Variants in MDGA2 observed in about 807,000 individuals in gnomAD.
MDGA2 encodes MAM domain containing glycosylphosphatidylinositol anchor 2, also known as MAM domain-containing glycosylphosphatidylinositol anchor protein 2.
A neutral mutation model predicts 117.8 loss-of-function variants in MDGA2; 40 were observed. That is an observed-to-expected ratio of 0.34 (90% confidence interval 0.26 to 0.44). The LOEUF (loss-of-function observed/expected upper bound fraction) is 0.44. Among genes scored for constraint, MDGA2 ranks in the 20% least tolerant of loss-of-function variants. The pLI, the probability that MDGA2 is intolerant of heterozygous loss-of-function variation, is 1.00. For missense variants in MDGA2, 1,123 were observed against 1,250.6 expected (o/e 0.90, Z 1.54); for synonymous variants, 452 against 439.0 (o/e 1.03, Z -0.37).
At chr14:47,075,884 G>A (rs1366837032) in intron 6 of MDGA2, among the ~76,000 whole-genome samples, 1 of 152,066 alleles carries the variant, frequency 6.6e-6, no homozygotes, top group Non-Finnish European at 1.5e-5. Flanking sequence ...AGTGATAACA[G>A]TGGACTATGC....
intron 10 of MDGA2, among the ~76,000 whole-genome samples, chr14:46,894,492 C>G (rs1365695206): frequency 6.6e-6 from 1 of 152,052 alleles, no homozygotes; most frequent in East Asian, 1.9e-4. Flanking sequence ...AGGAAGATAA[C>G]AAATCTAGCT....
chr14:46,979,507 C>T (rs1372585840), intron 8 of MDGA2, among the ~76,000 whole-genome samples: 1 of 152,044 alleles, frequency 6.6e-6, no homozygotes, highest in East Asian at 1.9e-4. Flanking sequence ...TCCAAATCGC[C>T]CACTTGTGAA....
intron 2 of MDGA2, among the ~76,000 whole-genome samples, chr14:47,278,520 C>G (rs1447242256): frequency 6.6e-6 from 1 of 152,026 alleles, no homozygotes; most frequent in Non-Finnish European, 1.5e-5. Flanking sequence ...CCCGGGATCC[C>G]CAGGCAGAGA....
At chr14:47,092,400 T>C (rs974426068) in intron 6 of MDGA2, among the ~76,000 whole-genome samples, 4 of 152,164 alleles carry the variant, frequency 2.6e-5, no homozygotes, top group African/African-American at 7.2e-5. Flanking sequence ...CTCTTTCTTA[T>C]GCAGAATTTT....
At chr14:47,231,733 A>G (rs1057052310) in intron 2 of MDGA2, among the ~76,000 whole-genome samples, 1 of 148,462 alleles carries the variant, frequency 6.7e-6, no homozygotes, top group South Asian at 2.1e-4. Context: ...AAAAGAAAAA[A>G]AAATTGAACC....
chr14:46,930,983 GA>G (rs1468372618), intron 9 of MDGA2, among the ~76,000 whole-genome samples: 1 of 152,038 alleles, frequency 6.6e-6, no homozygotes, highest in Admixed American at 6.6e-5. Flanking sequence ...TTGGGAGGCC[GA>G]GGCGGGCGGA....
At chr14:46,844,465 C>T (rs940255314) in intron 16 of MDGA2, among the ~76,000 whole-genome samples, 1 of 152,046 alleles carries the variant, frequency 6.6e-6, no homozygotes, top group African/African-American at 2.4e-5. Context: ...TCTGTAATCC[C>T]AGCTACTCAG....
chr14:47,368,715 T>G (rs1427693758), intron 1 of MDGA2, among the ~76,000 whole-genome samples: 1 of 152,276 alleles, frequency 6.6e-6, no homozygotes, highest in Admixed American at 6.5e-5. Flanking sequence ...TTTATTCAGG[T>G]TTTACGTTGT....
chr14:47,326,259 T>C (rs1023186731), intron 1 of MDGA2, among the ~76,000 whole-genome samples: 3 of 152,100 alleles, frequency 2.0e-5, no homozygotes, highest in Non-Finnish European at 2.9e-5. Context: ...ATTTAAAATA[T>C]ATATTATATT....
At chr14:47,281,174 G>A (rs1281936681) in intron 2 of MDGA2, among the ~76,000 whole-genome samples, 1 of 150,378 alleles carries the variant, frequency 6.6e-6, no homozygotes, top group Non-Finnish European at 1.5e-5. Context: ...TTCCTCTATT[G>A]TCTCAAAATA....
intron 1 of MDGA2, among the ~76,000 whole-genome samples, chr14:47,365,706 G>T (rs899187245): frequency 6.6e-6 from 1 of 152,184 alleles, no homozygotes; most frequent in Non-Finnish European, 1.5e-5. Context: ...AACATATTTA[G>T]AGAGGAAATC....
rs537528822 is a variant in MDGA2, at chr14:47,153,463, G to T, written c.596-9189C>A. ...AGAGAACTTCACCTGGCTGTGGGTG[G>T]AGTGGGATGGGAGTTGTAAAAGGTA... On this transcript the variant is annotated intron_variant, in intron 3 of 16. Coordinates refer to ENST00000399232, the MANE Select transcript of MDGA2 (RefSeq NM_001113498.3). 3.4e-4 allele frequency among the ~76,000 whole-genome samples: 52 copies of T among 152,256 alleles called. 1 individual carries two copies. In the South Asian group the frequency reaches 0.01, roughly 30 times the overall value.
intron 8 of MDGA2, among the ~76,000 whole-genome samples, chr14:46,983,698 A>C (rs1886765925): frequency 6.6e-6 from 1 of 152,042 alleles, no homozygotes; most frequent in Non-Finnish European, 1.5e-5. Flanking sequence ...TCAAAATTTA[A>C]ATTTTTTGGC....
chr14:46,844,438 G>T (rs1311827324), intron 16 of MDGA2, among the ~76,000 whole-genome samples: 1 of 151,928 alleles, frequency 6.6e-6, no homozygotes, highest in Non-Finnish European at 1.5e-5. Flanking sequence ...AAAATTAGCG[G>T]GGTGTGGTGC....
intron 1 of MDGA2, among the ~76,000 whole-genome samples, chr14:47,460,505 A>G (rs2138590416): frequency 6.6e-6 from 1 of 152,196 alleles, no homozygotes; most frequent in Non-Finnish European, 1.5e-5. Context: ...CAGAGAAGAG[A>G]GGGGAAAGAA....
At chr14:47,209,569 A>C (rs936240604) in intron 3 of MDGA2, among the ~76,000 whole-genome samples, 1 of 152,222 alleles carries the variant, frequency 6.6e-6, no homozygotes, top group Non-Finnish European at 1.5e-5. Context: ...AGATAGGACT[A>C]AACTGATTTA....
intron 3 of MDGA2, among the ~76,000 whole-genome samples, chr14:47,166,193 G>A (rs1354883804): frequency 6.6e-5 from 10 of 151,760 alleles, no homozygotes; most frequent in African/African-American, 2.4e-4. Context: ...ATGCCACCAG[G>A]CCCGGCTAAT....
At chr14:47,339,715 T>C (rs952205632) in intron 1 of MDGA2, among the ~76,000 whole-genome samples, 1 of 152,188 alleles carries the variant, frequency 6.6e-6, no homozygotes, top group African/African-American at 2.4e-5. Flanking sequence ...ACCATGTTTC[T>C]TGTACAGCTT....
chr14:47,230,936 G>A (rs955996031), intron 2 of MDGA2, among the ~76,000 whole-genome samples: 43 of 151,938 alleles, frequency 2.8e-4, no homozygotes, highest in African/African-American at 1.0e-3. Context: ...TTAATGTAGG[G>A]TTAAATATTG....
Sources: allele counts gnomAD v4.1 joint callset (sites outside exome capture counted in the v4.1 genomes callset), GRCh38; gene constraint gnomAD v4.1.1; transcripts MANE v1.5; gene names NCBI Gene and HGNC (gene_info 2026-07-23, HGNC 2026-07-21).